Variants in DCDC1 observed in about 807,000 individuals in gnomAD.
DCDC1 encodes the protein doublecortin domain-containing protein 1.
In DCDC1, 200 loss-of-function variants were observed where a neutral mutation model predicts 178.3. That is an observed-to-expected ratio of 1.12 (90% CI 1.00 to 1.26). The LOEUF is 1.26. Among genes scored for constraint, DCDC1 ranks in the 50% most tolerant of loss-of-function variants. The pLI is 0.00. For synonymous variants in DCDC1, 690 were observed against 604.8 expected (o/e 1.14, Z -2.07); for missense variants, 1,983 against 1,749.2 (o/e 1.13, Z -2.38).
At chr11:30,945,552 G>A (rs1418250440) in intron 21 of DCDC1, among the ~76,000 whole-genome samples, 1 of 151,784 alleles carries the variant, frequency 6.6e-6, no homozygotes, top group African/African-American at 2.4e-5. Context: ...AATTAGCCAG[G>A]CATGGTGGCA....
chr11:30,952,843 C>T (rs1408030470), intron 20 of DCDC1, among the ~76,000 whole-genome samples: 1 of 152,036 alleles, frequency 6.6e-6, no homozygotes, highest in African/African-American at 2.4e-5. Context: ...GAATAACAGT[C>T]CTTTTATAAT....
At chr11:30,953,310 T>C (rs912720337) in intron 20 of DCDC1, among the ~76,000 whole-genome samples, 4 of 148,708 alleles carry the variant, frequency 2.7e-5, no homozygotes, top group Non-Finnish European at 4.5e-5. Flanking sequence ...AGCATTATAT[T>C]AATTATATAT....
intron 11 of DCDC1, among the ~76,000 whole-genome samples, chr11:31,117,163 A>G (rs1194768132): frequency 6.6e-6 from 1 of 152,086 alleles, no homozygotes; most frequent in Non-Finnish European, 1.5e-5. Flanking sequence ...TTGGTTATTG[A>G]TCCTCTAAGG....
intron 9 of DCDC1, among the ~76,000 whole-genome samples, chr11:31,213,830 A>T (rs1973174674): frequency 6.6e-6 from 1 of 151,906 alleles, no homozygotes. Context: ...ACCGACTATT[A>T]CTTGTTTAAA....
rs1026383482 is a variant in DCDC1 at position 31,241,439 on chromosome 11, G to A, written c.1221+11C>T. On this transcript the variant is annotated intron_variant, in intron 9 of 38. Transcript: ENST00000684477. Reference sequence around the variant, plus strand: ...ATATAATAAAGAAATTTTTAAAGAGGGATGACTCACCTGTTTATAATATTT... The same window carrying A: ...ATATAATAAAGAAATTTTTAAAGAGAGATGACTCACCTGTTTATAATATTT... 3.3e-5 allele frequency: 13 copies of A among 396,404 alleles called. No individual in the cohort carries two copies. The highest frequency in any genetic ancestry group is 2.7e-4 in the African/African-American group (13 of 48,408). The allele number at this position is 396,404 out of a possible 1,614,324, so 24.6% of individuals were successfully genotyped here.
At chr11:31,198,223 CA>C (rs1015247735) in intron 9 of DCDC1, among the ~76,000 whole-genome samples, 13 of 151,868 alleles carry the variant, frequency 8.6e-5, no homozygotes, top group African/African-American at 3.1e-4. Flanking sequence ...TTCACCCTAC[CA>C]CTTCAATTTT....
chr11:30,868,533 G>A (rs923810244), intron 38 of DCDC1, among the ~76,000 whole-genome samples: 3 of 152,036 alleles, frequency 2.0e-5, no homozygotes, highest in Non-Finnish European at 4.4e-5. Context: ...TTACAGGCAT[G>A]AGCCACCACG....
intron 18 of DCDC1, among the ~76,000 whole-genome samples, chr11:31,070,975 G>T (rs777954967): frequency 8.5e-5 from 13 of 152,186 alleles, no homozygotes; most frequent in Non-Finnish European, 1.3e-4. Context: ...TTTGAAGAGG[G>T]TCTCTTTTTT....
At chr11:31,287,628 A>T (rs1371715261) in intron 7 of DCDC1, among the ~76,000 whole-genome samples, 1 of 151,986 alleles carries the variant, frequency 6.6e-6, no homozygotes, top group African/African-American at 2.4e-5. Flanking sequence ...CTCAACAGCA[A>T]CACTAGCAAC....
intron 20 of DCDC1, among the ~76,000 whole-genome samples, chr11:30,952,848 T>A (rs2134490764): frequency 6.6e-6 from 1 of 152,266 alleles, no homozygotes. Context: ...ACAGTCCTTT[T>A]ATAATAACAA....
intron 21 of DCDC1, chr11:30,943,853 C>A: frequency 3.4e-6 from 1 of 296,338 alleles, no homozygotes; most frequent in Middle Eastern, 1.2e-3. Flanking sequence ...AATCAGTTCT[C>A]AAAGCAGCTG....
chr11:31,281,795 G>A (rs1471504938), intron 7 of DCDC1, among the ~76,000 whole-genome samples: 4 of 152,232 alleles, frequency 2.6e-5, no homozygotes, highest in South Asian at 2.1e-4. Context: ...ACCACCATGT[G>A]AGACGTGCTG....
At chr11:31,339,394 T>C (rs1371803465) in intron 1 of DCDC1, among the ~76,000 whole-genome samples, 1 of 152,198 alleles carries the variant, frequency 6.6e-6, no homozygotes, top group East Asian at 1.9e-4. Flanking sequence ...CATCCTAGCT[T>C]CCAGAACTGT....
intron 9 of DCDC1, among the ~76,000 whole-genome samples, chr11:31,218,062 CT>C (rs1281360796): frequency 6.6e-6 from 1 of 151,654 alleles, no homozygotes; most frequent in Admixed American, 6.6e-5. Flanking sequence ...TGGAGAAAAC[CT>C]TTTTTCCTAA....
At chr11:31,154,576 G>A (rs1172095603) in intron 9 of DCDC1, among the ~76,000 whole-genome samples, 1 of 152,162 alleles carries the variant, frequency 6.6e-6, no homozygotes, top group Non-Finnish European at 1.5e-5. Context: ...CTCATGTCTA[G>A]CACAGAATAG....
rs923881088 is a variant in DCDC1 at position 31,096,930 on chromosome 11, T to TGC, written c.1984-2748_1984-2747dup. On this transcript the variant is annotated intron_variant, in intron 15 of 38. Coordinates refer to ENST00000684477, the MANE Select transcript of DCDC1 (RefSeq NM_001387274.1). ...GTATGTATGTGTGTGTGTGTGTGTG[T>TGC]GCGCGCGCCCGTGTACACACATGCA... 1.6e-3 allele frequency among the ~76,000 whole-genome samples: 248 copies of TGC among 152,184 alleles called. 3 individuals carry two copies. The highest frequency in any genetic ancestry group is 5.4e-3 in the African/African-American group (226 of 41,538).
At chr11:31,131,861 C>T (rs566930516) in intron 10 of DCDC1, among the ~76,000 whole-genome samples, 1 of 152,290 alleles carries the variant, frequency 6.6e-6, no homozygotes, top group African/African-American at 2.4e-5. Flanking sequence ...AGGGAGGAAA[C>T]TCAGACTTTG....
At chr11:31,097,871 T>C (rs1181903404) in intron 15 of DCDC1, among the ~76,000 whole-genome samples, 1 of 152,198 alleles carries the variant, frequency 6.6e-6, no homozygotes, top group African/African-American at 2.4e-5. Context: ...CCCAGCCTCC[T>C]TTATGACAAA....
chr11:31,256,803 C>G (rs1378431480), intron 8 of DCDC1, among the ~76,000 whole-genome samples: 1 of 152,068 alleles, frequency 6.6e-6, no homozygotes, highest in Non-Finnish European at 1.5e-5. Flanking sequence ...AGAATTTGAG[C>G]TTGATGGGGC....
Sources: allele counts gnomAD v4.1 joint callset (sites outside exome capture counted in the v4.1 genomes callset), GRCh38; gene constraint gnomAD v4.1.1; transcripts MANE v1.5; gene names NCBI Gene and HGNC (gene_info 2026-07-23, HGNC 2026-07-21).